The following CCDC102B variants were observed in gnomAD, a reference collection of about 807,000 sequenced individuals.
CCDC102B encodes coiled-coil domain containing 102B, also known as coiled-coil domain-containing protein 102B.
In CCDC102B, 75 loss-of-function variants were observed where a neutral mutation model predicts 57.4. The ratio of observed to expected loss-of-function variants is 1.31; its 90% confidence interval spans 1.08 to 1.58. CCDC102B has a LOEUF of 1.58. CCDC102B is among the 40% of genes most tolerant of loss of function. CCDC102B has a pLI of 0.00. For synonymous variants in CCDC102B, 206 were observed against 201.9 expected (o/e 1.02, Z -0.17); for missense variants, 636 against 582.6 (o/e 1.09, Z -0.94).
chr18:68,965,794 G>A (rs1264768062), intron 6 of CCDC102B, among the ~76,000 whole-genome samples: 1 of 151,974 alleles, frequency 6.6e-6, no homozygotes, highest in Non-Finnish European at 1.5e-5. Context: ...AACATTTGGT[G>A]TACTATGTGA....
intron 1 of CCDC102B, among the ~76,000 whole-genome samples, chr18:68,814,160 CAG>C (rs1229491268): frequency 6.6e-6 from 1 of 152,112 alleles, no homozygotes; most frequent in Non-Finnish European, 1.5e-5. Context: ...TTTAAGAAAA[CAG>C]AATGAGTATT....
At chr18:68,858,287 C>T (rs1364943564) in intron 4 of CCDC102B, among the ~76,000 whole-genome samples, 5 of 152,138 alleles carry the variant, frequency 3.3e-5, no homozygotes, top group Non-Finnish European at 5.9e-5. Context: ...CATTGATGTG[C>T]ACATCAAATT....
At chr18:68,947,279 G>C (rs1166220978) in intron 6 of CCDC102B, among the ~76,000 whole-genome samples, 1 of 151,860 alleles carries the variant, frequency 6.6e-6, no homozygotes, top group Non-Finnish European at 1.5e-5. Context: ...TGGTATACTT[G>C]ATTAAGTGAC....
intron 4 of CCDC102B, among the ~76,000 whole-genome samples, chr18:68,863,533 C>T (rs2038849103): frequency 6.6e-6 from 1 of 151,852 alleles, no homozygotes; most frequent in Non-Finnish European, 1.5e-5. Flanking sequence ...TCAGTTATTT[C>T]TGCCCAAGTT....
chr18:68,916,937 G>A (rs929090327), intron 6 of CCDC102B, among the ~76,000 whole-genome samples: 1 of 152,164 alleles, frequency 6.6e-6, no homozygotes, highest in Non-Finnish European at 1.5e-5. Flanking sequence ...AGGAGCAAAT[G>A]CCAATGTGAC....
At chr18:68,789,503 A>G (rs1226771908) in intron 2 of CCDC102B, among the ~76,000 whole-genome samples, 1 of 151,546 alleles carries the variant, frequency 6.6e-6, no homozygotes, top group Non-Finnish European at 1.5e-5. Flanking sequence ...ACATAGTCCC[A>G]TATTTCTTGG....
At chr18:68,799,577 T>G (rs17079712) in intron 1 of CCDC102B, among the ~76,000 whole-genome samples, 271 of 152,278 alleles carry the variant, frequency 1.8e-3, no homozygotes, top group African/African-American at 6.2e-3. Context: ...AATTGAATTC[T>G]GCCATAATGC....
At chr18:68,797,521 T>C (rs1041098363), upstream of CCDC102B, among the ~76,000 whole-genome samples, 1 of 152,038 alleles carries the variant, frequency 6.6e-6, no homozygotes, top group African/African-American at 2.4e-5. Flanking sequence ...GCCAGAGAGC[T>C]TTCACTGGGC....
At chr18:68,951,399 T>A (rs1317665810) in intron 6 of CCDC102B, among the ~76,000 whole-genome samples, 3 of 152,190 alleles carry the variant, frequency 2.0e-5, no homozygotes, top group African/African-American at 7.2e-5. Context: ...ATATTTTACT[T>A]GTAATGAATA....
intron 6 of CCDC102B, among the ~76,000 whole-genome samples, chr18:68,916,759 C>T (rs1263357868): frequency 6.6e-6 from 1 of 152,160 alleles, no homozygotes; most frequent in Non-Finnish European, 1.5e-5. Flanking sequence ...TTCAATGTTA[C>T]AAATTAGTAC....
chr18:68,717,776 C>T (rs1206306757), intron 2 of CCDC102B, among the ~76,000 whole-genome samples: 2 of 152,138 alleles, frequency 1.3e-5, no homozygotes, highest in Non-Finnish European at 2.9e-5. Context: ...AGATAAGCTA[C>T]ATTTGTGTAT....
chr18:69,004,102 C>T (rs770281911), intron 6 of CCDC102B, among the ~76,000 whole-genome samples: 3 of 152,150 alleles, frequency 2.0e-5, no homozygotes, highest in Non-Finnish European at 4.4e-5. Flanking sequence ...GTAAAGTTTC[C>T]ATCATCTATT....
At chr18:69,029,921 ATCTG>A (rs1479346984) in intron 7 of CCDC102B, among the ~76,000 whole-genome samples, 1 of 152,178 alleles carries the variant, frequency 6.6e-6, no homozygotes, top group Non-Finnish European at 1.5e-5. Flanking sequence ...AATAGCAGTT[ATCTG>A]TCTATTTTAT....
At chr18:68,996,177 G>A (rs1377038296) in intron 6 of CCDC102B, among the ~76,000 whole-genome samples, 2 of 152,126 alleles carry the variant, frequency 1.3e-5, no homozygotes, top group Admixed American at 1.3e-4. Flanking sequence ...ATCAGGGTGG[G>A]CATCATCTAA....
chr18:68,942,622 G>C lies in CCDC102B; in HGVS notation c.1263+45194G>C, dbSNP rs192813357. ...CATAAACATCTCAGTGCCTTAAAGA[G>C]CAGTATTGCCTCCAGCATGTCTCAA... On this transcript the variant is annotated intron_variant, in intron 6 of 7. Transcript: ENST00000360242. 2.6e-3 allele frequency among the ~76,000 whole-genome samples: 399 copies of C among 152,038 alleles called. 2 individuals carry two copies. The highest frequency in any genetic ancestry group is 0.017 in the Middle Eastern group (5 of 294).
At chr18:68,977,418 C>G (rs1483005804) in intron 6 of CCDC102B, among the ~76,000 whole-genome samples, 1 of 151,860 alleles carries the variant, frequency 6.6e-6, no homozygotes, top group Non-Finnish European at 1.5e-5. Context: ...CTCCCCTAGT[C>G]CCCCATGCCC....
At position 68,894,244 on chromosome 18, in the gene CCDC102B, T is replaced by C. The variant is rs530977768; in HGVS notation, c.1054-2975T>C. 8.5e-5 allele frequency among the ~76,000 whole-genome samples: 13 copies of C among 152,192 alleles called. No homozygotes were observed. The East Asian group carries it at 2.5e-3, about 29-fold the overall frequency. Reference sequence around the variant, plus strand: ...CATTCAGTAAGTGTAGTATTGGATATTTATGTACTTTTTCTCGACGTTTAA... The same window carrying C: ...CATTCAGTAAGTGTAGTATTGGATACTTATGTACTTTTTCTCGACGTTTAA... On this transcript the variant is annotated intron_variant, in intron 5 of 7. Transcript: ENST00000360242.
At chr18:68,765,316 G>GAAAGAAA (rs1568238645) in intron 2 of CCDC102B, among the ~76,000 whole-genome samples, 63 of 36,564 alleles carry the variant, frequency 1.7e-3, no homozygotes, top group East Asian at 9.1e-3. Context: ...AAGGAAGGAA[G>GAAAGAAA]GAAGGAAGGA....
At position 68,837,254 on chromosome 18, in the gene CCDC102B, T is replaced by C. The variant is rs765107474; in HGVS notation, c.491T>C (p.Val164Ala). ...CAGGATCTGAAGCTTCCTGGCTTCG[T>C]AGAAGAATCCTGTGAACATACAGAC... is the stretch of plus-strand genomic sequence containing the variant. ...VTQDLKLPGF[V>A]EESCEHTDQF... Residue 164 changes from valine (V) to alanine (A), a missense_variant, in exon 2 of 8, where the codon GTA (valine) becomes GCA (alanine). Coordinates refer to ENST00000360242, the MANE Select transcript of CCDC102B (RefSeq NM_024781.3). 9 of 1,614,040 alleles carry C rather than the reference T, an allele frequency of 5.6e-6. No homozygotes were observed. Among genetic ancestry groups the C allele is most frequent in the East Asian group, 2.2e-5 (1 of 44,882 alleles).
Sources: gnomAD v4.1 joint callset for allele counts (sites outside exome capture counted in the v4.1 genomes callset) on GRCh38, gnomAD v4.1.1 for gene constraint, MANE v1.5 for transcripts, NCBI Gene and HGNC (gene_info 2026-07-23, HGNC 2026-07-21) for gene names.